The following COL4A6 variants were observed in gnomAD, a reference collection of about 807,000 sequenced individuals.
The protein encoded by COL4A6 is collagen type IV alpha 6 chain.
A neutral mutation model predicts 126.7 loss-of-function variants in COL4A6; 59 were observed. The observed-to-expected ratio is 0.47, with a 90% CI of 0.38 to 0.58. COL4A6 has a LOEUF of 0.58. COL4A6 is among the 20% of genes least tolerant of loss of function. The probability of loss-of-function intolerance (pLI) is 0.00; values close to 1 mark genes in which losing one functional copy is unlikely to be tolerated. For synonymous variants in COL4A6, 547 were observed against 496.6 expected (o/e 1.10, Z -1.35); for missense variants, 1,285 against 1,337.3 (o/e 0.96, Z 0.61).
At chrX:108,368,686 C>G (rs1371234124) in intron 2 of COL4A6, among the ~76,000 whole-genome samples, 5 of 111,792 alleles carry the variant, frequency 4.5e-5, no homozygotes, top group Non-Finnish European at 9.4e-5. Context: ...TACAGCTGTA[C>G]AAAAATATGT....
chrX:108,281,587 T>G (rs1187807700), intron 3 of COL4A6, among the ~76,000 whole-genome samples: 1 of 111,592 alleles, frequency 9.0e-6, no homozygotes, highest in Non-Finnish European at 1.9e-5. Flanking sequence ...AATTTATAGA[T>G]TCAATGCCAT....
intron 2 of COL4A6, among the ~76,000 whole-genome samples, chrX:108,406,455 C>G (rs113834965): frequency 8.9e-6 from 1 of 111,886 alleles, no homozygotes; most frequent in Admixed American, 9.4e-5. Context: ...ACATTTCAGG[C>G]TTTTTATGTT....
intron 7 of COL4A6, among the ~76,000 whole-genome samples, chrX:108,211,375 C>T (rs1298951127): frequency 6.2e-5 from 7 of 112,576 alleles, no homozygotes; most frequent in East Asian, 5.6e-4. Flanking sequence ...TATCTGCCTC[C>T]GGGAAATGTC....
intron 23 of COL4A6, among the ~76,000 whole-genome samples, chrX:108,182,977 T>C (rs1022593370): frequency 1.8e-5 from 2 of 112,008 alleles, no homozygotes; most frequent in East Asian, 5.6e-4. Context: ...AAAACAATGG[T>C]CAAAGGAAAG....
chrX:108,169,359 A>C (rs865978052), intron 37 of COL4A6, 136 bp downstream of exon 37: 6 of 833,944 alleles, frequency 7.2e-6, no homozygotes, highest in Non-Finnish European at 1.0e-5. Context: ...AGTCATTCCC[A>C]CTGGGTTGTG....
At chrX:108,373,448 G>A (rs1603183226) in intron 2 of COL4A6, among the ~76,000 whole-genome samples, 1 of 111,659 alleles carries the variant, frequency 9.0e-6, no homozygotes. Context: ...GAATTGTGGA[G>A]GGCGTGACCT....
At chrX:108,246,235 C>A (rs1484234823) in intron 3 of COL4A6, among the ~76,000 whole-genome samples, 1 of 111,876 alleles carries the variant, frequency 8.9e-6, no homozygotes, top group Admixed American at 9.5e-5. Context: ...ATGCGATTAA[C>A]AATAGCATCT....
chrX:108,255,237 G>A (rs914018095), intron 3 of COL4A6, among the ~76,000 whole-genome samples: 1 of 106,652 alleles, frequency 9.4e-6, no homozygotes, highest in Non-Finnish European at 1.9e-5. Context: ...AATGGAAGTG[G>A]GGGGGCTACT....
chrX:108,170,490 T>C, intron 35 of COL4A6, 119 bp downstream of exon 35: 1 of 593,670 alleles, frequency 1.7e-6, no homozygotes, highest in East Asian at 3.3e-5. Context: ...TGATTCCTCA[T>C]GTCCAATGAC....
intron 7 of COL4A6, among the ~76,000 whole-genome samples, chrX:108,210,799 A>T (rs2035680406): frequency 9.0e-6 from 1 of 111,621 alleles, no homozygotes; most frequent in Admixed American, 9.5e-5. Context: ...GGTCCTTTCC[A>T]ACTCAAACAT....
intron 37 of COL4A6, among the ~76,000 whole-genome samples, chrX:108,167,332 T>C (rs1043803172): frequency 2.7e-5 from 3 of 111,625 alleles, no homozygotes; most frequent in Non-Finnish European, 5.6e-5. Context: ...CTCTATGAAG[T>C]TTTTTTATTG....
chrX:108,173,633 C>T (rs1194082092), intron 31 of COL4A6, among the ~76,000 whole-genome samples: 3 of 112,126 alleles, frequency 2.7e-5, no homozygotes, highest in South Asian at 3.7e-4. Flanking sequence ...TATGCAGAGC[C>T]GGCTATGTGC....
At chrX:108,315,116 T>C (rs948691020) in intron 2 of COL4A6, among the ~76,000 whole-genome samples, 5 of 112,210 alleles carry the variant, frequency 4.5e-5, no homozygotes, top group Non-Finnish European at 9.4e-5. Context: ...ATTTTATACA[T>C]TGAAATGAAT....
chrX:108,210,120 T>C, intron 7 of COL4A6, 116 bp from the exon 8 acceptor site: 1 of 670,373 alleles, frequency 1.5e-6, no homozygotes, highest in Non-Finnish European at 2.2e-6. Context: ...GGGCCTCCTC[T>C]GTCAAAGTCT....
At chrX:108,414,861 A>G (rs2041405554) in intron 2 of COL4A6, among the ~76,000 whole-genome samples, 1 of 111,395 alleles carries the variant, frequency 9.0e-6, no homozygotes, top group South Asian at 3.8e-4. Flanking sequence ...AAAACAAAAC[A>G]TGTCTTTGAA....
intron 2 of COL4A6, among the ~76,000 whole-genome samples, chrX:108,367,313 A>G (rs952325974): frequency 8.9e-6 from 1 of 111,971 alleles, no homozygotes; most frequent in Non-Finnish European, 1.9e-5. Flanking sequence ...TATAATGTAC[A>G]AAAGGTACTT....
At chrX:108,301,702 C>T (rs1438014004) in intron 3 of COL4A6, among the ~76,000 whole-genome samples, 3 of 111,932 alleles carry the variant, frequency 2.7e-5, no homozygotes, top group African/African-American at 9.8e-5. Context: ...CTGAAACTTT[C>T]TTCCAAGCCC....
chrX:108,406,746 T>C (rs1335557932), intron 2 of COL4A6, among the ~76,000 whole-genome samples: 1 of 112,414 alleles, frequency 8.9e-6, no homozygotes, highest in African/African-American at 3.2e-5. Context: ...CAATCTATCC[T>C]TTAGGATATC....
At chrX:108,180,422 C>T (rs1318405058) in intron 25 of COL4A6, 93 bp downstream of exon 25, 4 of 786,721 alleles carry the variant, frequency 5.1e-6, no homozygotes, top group Non-Finnish European at 7.3e-6. Flanking sequence ...CTGTAATTGG[C>T]AGAGGACTAC....
Sources: allele counts gnomAD v4.1 joint callset (sites outside exome capture counted in the v4.1 genomes callset), GRCh38; gene constraint gnomAD v4.1.1; transcripts MANE v1.5; gene names NCBI Gene and HGNC (gene_info 2026-07-23, HGNC 2026-07-21).